The following SHANK2 variants were observed in gnomAD, a reference collection of about 807,000 sequenced individuals.
SHANK2 encodes SH3 and multiple ankyrin repeat domains 2.
A neutral mutation model predicts 133.7 loss-of-function variants in SHANK2; 43 were observed. The ratio of observed to expected loss-of-function variants is 0.32; its 90% confidence interval spans 0.25 to 0.41. The LOEUF (loss-of-function observed/expected upper bound fraction) is 0.41, where lower values mean the gene tolerates loss of function less well. Among genes scored for constraint, SHANK2 ranks in the 10% least tolerant of loss-of-function variants. The probability of loss-of-function intolerance (pLI) is 1.00; values close to 1 mark genes in which losing one functional copy is unlikely to be tolerated. For synonymous variants in SHANK2, 1,017 were observed against 952.8 expected (o/e 1.07, Z -1.24); for missense variants, 1,994 against 2,235.8 (o/e 0.89, Z 2.18).
intron 12 of SHANK2, among the ~76,000 whole-genome samples, chr11:70,813,578 T>A (rs573822052): frequency 3.3e-5 from 5 of 152,138 alleles, no homozygotes; most frequent in Admixed American, 2.6e-4. Context: ...TGGGTGTGTC[T>A]TCCAGGTTAC....
At chr11:70,914,100 G>C (rs1368607248) in intron 10 of SHANK2, among the ~76,000 whole-genome samples, 4 of 152,168 alleles carry the variant, frequency 2.6e-5, no homozygotes, top group African/African-American at 9.7e-5. Context: ...GGCCCTCAAA[G>C]CAGGTGCAGG....
rs556757589 is a variant in SHANK2 at position 70,725,071 on chromosome 11, A to G, written c.1778-26308T>C. Among the ~76,000 whole-genome samples the G allele has an allele frequency of 4.2e-3, 639 of 152,344 alleles. 4 individuals are homozygous for G. The highest frequency in any genetic ancestry group is 0.015 in the African/African-American group (606 of 41,590). On this transcript the variant is annotated intron_variant, in intron 14 of 25. Transcript: ENST00000601538. ...AAAGATTTTTTAAAGTATGTTTTAAAAAAGGAATATTCCAAAGCTTGATTC... is the reference window on the plus strand; with the variant it reads ...AAAGATTTTTTAAAGTATGTTTTAAGAAAGGAATATTCCAAAGCTTGATTC...
intron 17 of SHANK2, among the ~76,000 whole-genome samples, chr11:70,520,976 C>T (rs1342099754): frequency 4.6e-5 from 7 of 152,176 alleles, no homozygotes; most frequent in Admixed American, 1.3e-4. Context: ...GCCGTGCTTT[C>T]GAATCCTCCA....
At chr11:70,748,206 G>C (rs574656830) in intron 14 of SHANK2, among the ~76,000 whole-genome samples, 1 of 152,256 alleles carries the variant, frequency 6.6e-6, no homozygotes, top group African/African-American at 2.4e-5. Flanking sequence ...ATTCTGAGCT[G>C]CTCCCAGGAT....
chr11:70,605,809 C>T (rs2060569248), intron 17 of SHANK2, among the ~76,000 whole-genome samples: 1 of 152,168 alleles, frequency 6.6e-6, no homozygotes, highest in Admixed American at 6.5e-5. Flanking sequence ...AACTGCACGG[C>T]AACAGGCCCC....
intron 17 of SHANK2, among the ~76,000 whole-genome samples, chr11:70,611,570 C>T (rs1159510457): frequency 1.3e-5 from 2 of 152,246 alleles, no homozygotes; most frequent in African/African-American, 4.8e-5. Context: ...GGGACAGAAA[C>T]AGAGGGTGTC....
At chr11:71,201,312 A>G (rs1555117082) in intron 2 of SHANK2, among the ~76,000 whole-genome samples, 1 of 152,244 alleles carries the variant, frequency 6.6e-6, no homozygotes, top group African/African-American at 2.4e-5. Context: ...TCTCATGGAT[A>G]TATGGGATCC....
intron 2 of SHANK2, among the ~76,000 whole-genome samples, chr11:71,223,837 G>A (rs1555121729): frequency 2.6e-5 from 4 of 151,978 alleles, no homozygotes; most frequent in East Asian, 1.9e-4. Flanking sequence ...AACTGGAAGC[G>A]CCTGCACCAC....
chr11:70,811,954 T>C (rs1394254311), intron 12 of SHANK2, among the ~76,000 whole-genome samples: 4 of 152,220 alleles, frequency 2.6e-5, no homozygotes, highest in Non-Finnish European at 4.4e-5. Context: ...CTATCCATCA[T>C]TGGACAAGTT....
At chr11:70,866,589 G>A (rs1334216951) in intron 11 of SHANK2, among the ~76,000 whole-genome samples, 7 of 152,160 alleles carry the variant, frequency 4.6e-5, no homozygotes, top group African/African-American at 1.7e-4. Context: ...GGTTCACGGA[G>A]CTTGCATTTG....
intron 4 of SHANK2, among the ~76,000 whole-genome samples, chr11:71,115,234 C>T (rs782025047): frequency 6.6e-6 from 1 of 152,034 alleles, no homozygotes; most frequent in African/African-American, 2.4e-5. Context: ...TTTGGGAAGC[C>T]GAGGCAGGTG....
At chr11:70,624,913 C>T (rs781792772) in intron 17 of SHANK2, among the ~76,000 whole-genome samples, 4 of 152,178 alleles carry the variant, frequency 2.6e-5, no homozygotes, top group Non-Finnish European at 5.9e-5. Context: ...GGGGGTGTCC[C>T]AAGGGTTCTC....
At chr11:71,232,236 A>C (rs1254603566) in intron 1 of SHANK2, among the ~76,000 whole-genome samples, 4 of 152,168 alleles carry the variant, frequency 2.6e-5, no homozygotes, top group Non-Finnish European at 5.9e-5. Flanking sequence ...TAGGGGTGGA[A>C]GGAAGTGTGT....
chr11:71,149,790 A>G (rs1952730708), intron 2 of SHANK2, among the ~76,000 whole-genome samples: 1 of 130,058 alleles, frequency 7.7e-6, no homozygotes, highest in Admixed American at 7.8e-5. Context: ...GGATGAATGG[A>G]TGGATGGCTA....
At chr11:71,245,734 G>T (rs145658765) in intron 1 of SHANK2, among the ~76,000 whole-genome samples, 2,667 of 152,338 alleles carry the variant, frequency 0.018, 38 homozygotes, top group Middle Eastern at 0.037. Context: ...CAAGACGAGG[G>T]GCAGTAGCGA....
chr11:71,072,741 A>AGCC, intron 9 of SHANK2, among the ~76,000 whole-genome samples: 1 of 152,338 alleles, frequency 6.6e-6, no homozygotes, highest in African/African-American at 2.4e-5. Flanking sequence ...ATTCCGACAC[A>AGCC]GCCTACAGCG....
At chr11:70,831,675 C>CTTG (rs1948727717) in intron 11 of SHANK2, among the ~76,000 whole-genome samples, 2 of 152,284 alleles carry the variant, frequency 1.3e-5, no homozygotes, top group Non-Finnish European at 2.9e-5. Flanking sequence ...AAAAGCTCTT[C>CTTG]ACACATCAGA....
At chr11:71,074,203 G>T (rs1951188541) in intron 9 of SHANK2, among the ~76,000 whole-genome samples, 1 of 152,218 alleles carries the variant, frequency 6.6e-6, no homozygotes, top group Admixed American at 6.5e-5. Flanking sequence ...GCCCCCCAGG[G>T]TCAGGGCTGG....
At chr11:70,553,031 C>G (rs2059789367) in intron 17 of SHANK2, among the ~76,000 whole-genome samples, 2 of 152,168 alleles carry the variant, frequency 1.3e-5, no homozygotes, top group Admixed American at 6.5e-5. Context: ...TCCAAATCCC[C>G]TCTTAAGGAC....
Sources: allele counts gnomAD v4.1 joint callset (sites outside exome capture counted in the v4.1 genomes callset), GRCh38; gene constraint gnomAD v4.1.1; transcripts MANE v1.5; gene names NCBI Gene and HGNC (gene_info 2026-07-23, HGNC 2026-07-21).